Variants in GALP observed in about 807,000 individuals in gnomAD.
The protein encoded by GALP is galanin like peptide.
A neutral mutation model predicts 15.2 loss-of-function variants in GALP; 12 were observed. The ratio of observed to expected loss-of-function variants is 0.79; its 90% CI spans 0.51 to 1.28. The LOEUF (loss-of-function observed/expected upper bound fraction) is 1.28, where lower values mean the gene tolerates loss of function less well. Ranked by LOEUF, GALP falls within the 50% of genes most tolerant of loss-of-function variation. The pLI is 0.00. For missense variants in GALP, 161 were observed against 145.6 expected, an observed-to-expected ratio of 1.11 and a Z score of -0.55; for synonymous variants, 58 against 55.1, an observed-to-expected ratio of 1.05 and a Z score of -0.23.
chr19:56,177,128 C>T lies in GALP; in HGVS notation c.20C>T (p.Pro7Leu). 6 of 1,613,510 alleles carry T rather than the reference C, an allele frequency of 3.7e-6. No individual in the cohort carries two copies. Among genetic ancestry groups the T allele is most frequent in the Non-Finnish European group, 5.1e-6 (6 of 1,179,836 alleles). Residue 7 changes from proline to leucine, a missense_variant, in exon 2 of 6, where the codon CCC becomes CTC. By Grantham distance (98) the Pro-to-Leu change is moderately conservative. Coordinates refer to ENST00000357330, the MANE Select transcript of GALP (RefSeq NM_033106.4). MAPPSV[P>L]LVLLLVLLLS... The stretch of plus-strand genomic sequence containing the variant: ...CCTTCGATGGCTCCTCCCTCCGTCC[C>T]CCTGGTCCTCCTCCTCGTCCTCTTG...
Position 56,180,597 on chromosome 19 carries a change from C to G in GALP, c.99C>G (p.Gly33=). The change falls in exon 3 of 6, where the codon GGC becomes GGG. Residue 33 remains glycine, a synonymous_variant. Coordinates refer to ENST00000357330, the MANE Select transcript of GALP (RefSeq NM_033106.4). The stretch of plus-strand genomic sequence containing the variant: ...GCATCTCTATCCAGGGACGAGGAGG[C>G]TGGACCCTCAATAGTGCTGGCTACC... The part of the protein sequence containing the change: ...ASAPAHRGRG[G]WTLNSAGYLL... The G allele has an allele frequency of 6.2e-7, 1 of 1,613,988 alleles. No individual in the cohort carries two copies. The highest frequency in any genetic ancestry group is 8.5e-7 in the Non-Finnish European group (1 of 1,179,898).
At chr19:56,180,704 G>T (rs1344462583) in intron 3 of GALP, 70 bp downstream of exon 3, 93 of 1,322,486 alleles carry the variant, frequency 7.0e-5, no homozygotes, top group Non-Finnish European at 9.6e-5. Context: ...CAGTGAGTTT[G>T]TGGCTTGTAA....
At chr19:56,177,232 C>G in intron 2 of GALP, 37 bp downstream of exon 2, 1 of 1,522,534 alleles carries the variant, frequency 6.6e-7, no homozygotes, top group Non-Finnish European at 9.1e-7. Flanking sequence ...ACAACAGTGT[C>G]CCCAAATCCC....
chr19:56,176,869 G>GACCACCA (rs1438806960), intron 1 of GALP, among the ~76,000 whole-genome samples: 1 of 128,490 alleles, frequency 7.8e-6, no homozygotes, highest in Non-Finnish European at 1.6e-5. Flanking sequence ...GGGGGACCAG[G>GACCACCA]TCGGCCTGAT....
At chr19:56,183,741 GCA>G (rs2122174614) in intron 5 of GALP, among the ~76,000 whole-genome samples, 1 of 152,186 alleles carries the variant, frequency 6.6e-6, no homozygotes, top group African/African-American at 2.4e-5. Flanking sequence ...GGGATTACAG[GCA>G]CGCGCCACCA....
At chr19:56,178,595 C>T (rs1179516384) in intron 2 of GALP, among the ~76,000 whole-genome samples, 1 of 151,048 alleles carries the variant, frequency 6.6e-6, no homozygotes, top group African/African-American at 2.4e-5. Context: ...AGCTCTCCTC[C>T]AGGTTCTGGC....
intron 2 of GALP, among the ~76,000 whole-genome samples, chr19:56,177,526 A>AAAGAAG (rs1555785862): frequency 1.4e-5 from 2 of 146,474 alleles, no homozygotes; most frequent in Non-Finnish European, 3.0e-5. Flanking sequence ...AAAAAAAAAA[A>AAAGAAG]AAGAAGAAAT....
intron 3 of GALP, 140 bp from the exon 4 acceptor site, chr19:56,182,032 G>A: frequency 1.5e-6 from 1 of 666,682 alleles, no homozygotes; most frequent in East Asian, 2.6e-5. Context: ...GGTAGGTAGG[G>A]ACGGTCAACA....
intron 4 of GALP, 46 bp downstream of exon 4, chr19:56,182,298 C>A (rs145230182): frequency 3.5e-6 from 5 of 1,427,412 alleles, no homozygotes; most frequent in South Asian, 1.2e-5. Context: ...TCCTCCCCTG[C>A]GGGCTCTCTC....
At chr19:56,176,956 C>A in intron 1 of GALP, 114 bp from the exon 2 acceptor site, 1 of 588,714 alleles carries the variant, frequency 1.7e-6, no homozygotes, top group Non-Finnish European at 3.0e-6. Context: ...AAATGTGCGC[C>A]ATTTTTGTAT....
intron 4 of GALP, among the ~76,000 whole-genome samples, chr19:56,182,490 C>T (rs143213879): frequency 1.1e-3 from 171 of 152,232 alleles, no homozygotes; most frequent in African/African-American, 3.5e-3. Context: ...CCATGGGCCC[C>T]GTGTTTTCTC....
intron 2 of GALP, among the ~76,000 whole-genome samples, chr19:56,177,526 AAAG>A (rs1555785862): frequency 6.8e-6 from 1 of 146,474 alleles, no homozygotes; most frequent in Non-Finnish European, 1.5e-5. Flanking sequence ...AAAAAAAAAA[AAAG>A]AAGAAATGGG....
At chr19:56,176,987 G>A in intron 1 of GALP, 83 bp from the exon 2 acceptor site, 1 of 662,754 alleles carries the variant, frequency 1.5e-6, no homozygotes. Context: ...CCTCCATAAA[G>A]CTAAAAAATA....
chr19:56,185,090 C>G, intron 5 of GALP, 125 bp from the exon 6 acceptor site: 1 of 641,346 alleles, frequency 1.6e-6, no homozygotes, highest in South Asian at 1.7e-5. Context: ...CACCTGAGGT[C>G]AGGAGTTCAA....
At chr19:56,179,725 C>G (rs2032530474) in intron 2 of GALP, among the ~76,000 whole-genome samples, 1 of 151,280 alleles carries the variant, frequency 6.6e-6, no homozygotes, top group African/African-American at 2.4e-5. Flanking sequence ...CTCACTGTAG[C>G]CTCAAACTCC....
intron 2 of GALP, among the ~76,000 whole-genome samples, chr19:56,179,368 C>T (rs1202086217): frequency 6.1e-5 from 9 of 146,410 alleles, no homozygotes; most frequent in Non-Finnish European, 1.2e-4. Flanking sequence ...AGTGCAGTGG[C>T]GCAATGTCAG....
In GALP at chr19:56,185,423, A is replaced by G; in HGVS notation, c.*153A>G. On this transcript the variant is annotated 3_prime_UTR_variant, in exon 6 of 6. Coordinates refer to ENST00000357330, the MANE Select transcript of GALP (RefSeq NM_033106.4). ...TAAAGCATTTGAATTATTCTAAAAA[A>G]TTTCTGGAGTTTCTTAGGTTTTATT... 3 of 504,710 alleles carry G rather than the reference A, an allele frequency of 5.9e-6. No individual in the cohort carries two copies. Among genetic ancestry groups the G allele is most frequent in the Non-Finnish European group, 1.0e-5 (3 of 290,018 alleles). The allele number at this position is 504,710 out of a possible 1,614,324, so 31.3% of individuals were successfully genotyped here. A position where few individuals can be genotyped will look rare whatever the true frequency, so the allele number is the denominator to read the frequency against.
At chr19:56,176,945 T>C (rs1314921439) in intron 1 of GALP, 125 bp from the exon 2 acceptor site, 3 of 580,772 alleles carry the variant, frequency 5.2e-6, no homozygotes, top group Non-Finnish European at 6.1e-6. Flanking sequence ...ATGTGTACAT[T>C]AAATGTGCGC....
intron 5 of GALP, 36 bp from the exon 6 acceptor site, chr19:56,185,179 A>AT (rs1451887235): frequency 6.9e-7 from 1 of 1,450,808 alleles, no homozygotes; most frequent in Non-Finnish European, 9.7e-7. Context: ...GATAGTGAGA[A>AT]AAACCATTCA....
Sources: allele counts gnomAD v4.1 joint callset (sites outside exome capture counted in the v4.1 genomes callset), GRCh38; gene constraint gnomAD v4.1.1; transcripts MANE v1.5; gene names NCBI Gene and HGNC (gene_info 2026-07-23, HGNC 2026-07-21).